OTUB2: variants seen among roughly 807,000 people sequenced by gnomAD.
OTUB2 encodes the protein ubiquitin thioesterase OTUB2.
In OTUB2, 21 loss-of-function variants were observed where a neutral mutation model predicts 25.1. That is an observed-to-expected ratio of 0.84 (90% CI 0.59 to 1.21). The LOEUF (loss-of-function observed/expected upper bound fraction) is 1.21. Among genes scored for constraint, OTUB2 ranks in the 50% most tolerant of loss-of-function variants. The pLI is 0.00. For synonymous variants in OTUB2, 122 were observed against 122.8 expected (o/e 0.99, Z 0.04); for missense variants, 283 against 298.0 (o/e 0.95, Z 0.37).
At chr14:94,042,509 G>C (rs900689471) in intron 3 of OTUB2, among the ~76,000 whole-genome samples, 2 of 152,178 alleles carry the variant, frequency 1.3e-5, no homozygotes, top group Non-Finnish European at 2.9e-5. Flanking sequence ...GGGGGGGCAG[G>C]AGAGCTGGGA....
intron 1 of OTUB2, among the ~76,000 whole-genome samples, chr14:94,034,502 C>G (rs1363912622): frequency 6.6e-6 from 1 of 152,202 alleles, no homozygotes; most frequent in Non-Finnish European, 1.5e-5. Flanking sequence ...ATAGATCTGC[C>G]TAAAATTACT....
chr14:94,046,131 G>A lies in OTUB2; in HGVS notation c.*209G>A. The A allele has an allele frequency of 1.5e-6, 1 of 648,010 alleles. No individual in the cohort carries two copies. The highest frequency in any genetic ancestry group is 2.6e-6 in the Non-Finnish European group (1 of 380,184). The allele number at this position is 648,010 out of a possible 1,614,324, so 40.1% of individuals were successfully genotyped here. ...TATTTATTTTAATGGAGGGACAAATGCTTTCTAACTGGGCCCCCGACTCCG... is the reference window on the plus strand; with the variant it reads ...TATTTATTTTAATGGAGGGACAAATACTTTCTAACTGGGCCCCCGACTCCG... On this transcript the variant is annotated 3_prime_UTR_variant, in exon 6 of 6. Transcript: ENST00000203664.
intron 1 of OTUB2, among the ~76,000 whole-genome samples, chr14:94,036,472 TG>T (rs2141410320): frequency 6.6e-6 from 1 of 152,212 alleles, no homozygotes; most frequent in South Asian, 2.1e-4. Flanking sequence ...AAAGCGGCTC[TG>T]GGTGGGTTGG....
At position 94,045,835 on chromosome 14, in the gene OTUB2, C is replaced by G; in HGVS notation, c.618C>G (p.His206Gln). Residue 206 changes from histidine to glutamine, a missense_variant, in exon 6 of 6, where the codon CAC becomes CAG. Physicochemically the swap from His to Gln is conservative, Grantham distance 24. Transcript: ENST00000203664. ...VDEMDTALNH[H>Q]VFPEAATPSV... ...AGATGGATACCGCCCTGAACCACCA[C>G]GTGTTCCCTGAGGCCGCCACCCCTT... 2 of 1,614,212 alleles carry G rather than the reference C, an allele frequency of 1.2e-6. No homozygotes were observed. Among genetic ancestry groups the G allele is most frequent in the Non-Finnish European group, 8.5e-7 (1 of 1,180,042 alleles).
chr14:94,027,931 C>G (rs947292066), intron 1 of OTUB2, among the ~76,000 whole-genome samples: 3 of 152,222 alleles, frequency 2.0e-5, no homozygotes, highest in Non-Finnish European at 4.4e-5. Context: ...CATCACCCAC[C>G]AGGGAGTGGT....
intron 1 of OTUB2, among the ~76,000 whole-genome samples, chr14:94,030,617 G>C (rs1884943238): frequency 6.6e-6 from 1 of 152,146 alleles, no homozygotes; most frequent in African/African-American, 2.4e-5. Flanking sequence ...ACTTTTCTTA[G>C]TGGAGCAGCA....
At position 94,047,638 on chromosome 14, in the gene OTUB2, C is replaced by G. The variant is rs1479355851; in HGVS notation, c.*1716C>G. On this transcript the variant is annotated 3_prime_UTR_variant, in exon 6 of 6. Transcript: ENST00000203664. ...ACAAGTCTCCAGGGGATCCCTGTTT[C>G]CCAACTGAAAGGTGTGAACGGACAC... The G allele has an allele frequency of 6.6e-6, 1 of 152,232 alleles. No homozygotes were observed. The highest frequency in any genetic ancestry group is 6.5e-5 in the Admixed American group (1 of 15,282). The allele number at this position is 152,232 out of a possible 1,614,324, so 9.4% of individuals were successfully genotyped here.
rs202053897 is a variant in OTUB2 at position 94,038,913 on chromosome 14, A to T, written c.100-50A>T. 47 of 1,552,704 alleles carry T rather than the reference A, an allele frequency of 3.0e-5. No homozygotes were observed. In the East Asian group the frequency reaches 1.0e-3, roughly 34 times the overall value. On this transcript the variant is annotated intron_variant, in intron 2 of 5. Transcript: ENST00000203664. ...TGGCCAGTCCCAGTGCCCAAACCAC[A>T]CAGAGCCGTTGTTGGTGCAAATGCC...
rs764809784 is a variant in OTUB2 at position 94,038,954 on chromosome 14, C to T, written c.100-9C>T. On this transcript the variant is annotated splice_polypyrimidine_tract_variant and intron_variant, in intron 2 of 5. Transcript: ENST00000203664. ...TGCAAATGCCCACATTTCTTTCTGT[C>T]CCCCTCAGGAACTCAGCAAAAGGTT... 7 of 1,612,850 alleles carry T rather than the reference C, an allele frequency of 4.3e-6. No homozygotes were observed. The South Asian group carries it at 7.7e-5, about 18-fold the overall frequency.
At chr14:94,039,246 G>C (rs968231551) in intron 3 of OTUB2, 165 bp downstream of exon 3, 2 of 621,270 alleles carry the variant, frequency 3.2e-6, no homozygotes, top group African/African-American at 3.7e-5. Flanking sequence ...GCTGCCTGCT[G>C]TGGTGAAGTT....
intron 1 of OTUB2, among the ~76,000 whole-genome samples, chr14:94,035,210 C>G (rs1885028853): frequency 6.6e-6 from 1 of 152,206 alleles, no homozygotes; most frequent in African/African-American, 2.4e-5. Flanking sequence ...CTTCCCACCC[C>G]CCAAGTGTTT....
chr14:94,037,434 C>A lies in OTUB2; in HGVS notation c.58C>A (p.Arg20=). ...SEKCDILSIL[R]DHPENRIYRR... is the part of the protein sequence containing the mutation. ...AAAATGTGACATTCTATCCATTCTT[C>A]GGGACCATCCTGAAAACAGGATTTA... Residue 20 remains arginine, a synonymous_variant, in exon 2 of 6, where the codon CGG becomes AGG. Transcript: ENST00000203664. 6.2e-7 allele frequency: 1 copy of A among 1,606,536 alleles called. No homozygotes were observed. The highest frequency in any genetic ancestry group is 8.5e-7 in the Non-Finnish European group (1 of 1,173,452).
Position 94,026,388 on chromosome 14 carries a change from C to T in OTUB2, c.-150C>T. 7.9e-7 allele frequency: 1 copy of T among 1,257,904 alleles called. No individual in the cohort carries two copies. The highest frequency in any genetic ancestry group is 1.0e-6 in the Non-Finnish European group (1 of 999,666). 77.9% of individuals were successfully genotyped at this position (1,257,904 alleles called of 1,614,324 possible). A position where few individuals can be genotyped will look rare whatever the true frequency, so the allele number is the denominator to read the frequency against. On this transcript the variant is annotated 5_prime_UTR_variant, in exon 1 of 6. Coordinates refer to ENST00000203664, the MANE Select transcript of OTUB2 (RefSeq NM_023112.4). ...CAGTGGAGGTCTAACCTTTGGTTTG[C>T]GGAGCGGTCGGGTGTATTCTCCGCC... is the stretch of plus-strand genomic sequence containing the variant.
rs1413816682 is a variant in OTUB2 at position 94,046,067 on chromosome 14, T to C, written c.*145T>C. ...GGGCAAAGCCCCTGGGAACGAGGCC[T>C]ATCCACTATGGACTATGGTAACTTG... On this transcript the variant is annotated 3_prime_UTR_variant, in exon 6 of 6. Coordinates refer to ENST00000203664, the MANE Select transcript of OTUB2 (RefSeq NM_023112.4). 1 of 843,334 alleles carries C rather than the reference T, an allele frequency of 1.2e-6. No individual in the cohort carries two copies. Among genetic ancestry groups the C allele is most frequent in the East Asian group, 2.7e-5 (1 of 37,652 alleles). 52.2% of individuals were successfully genotyped at this position (843,334 alleles called of 1,614,324 possible). A position where few individuals can be genotyped will look rare whatever the true frequency, so the allele number is the denominator to read the frequency against.
intron 5 of OTUB2, among the ~76,000 whole-genome samples, chr14:94,045,227 G>A (rs1885247654): frequency 6.6e-6 from 1 of 152,166 alleles, no homozygotes; most frequent in African/African-American, 2.4e-5. Flanking sequence ...AGCAGCAGCT[G>A]CCCTCTCTAT....
chr14:94,044,081 A>C (rs772889915), intron 4 of OTUB2, 26 bp downstream of exon 4: 2 of 1,600,920 alleles, frequency 1.2e-6, no homozygotes, highest in South Asian at 2.2e-5. Flanking sequence ...CCCTCCTTCC[A>C]CACTGGCAGA....
At chr14:94,045,507 C>A (rs115606911) in intron 5 of OTUB2, among the ~76,000 whole-genome samples, 38 of 152,288 alleles carry the variant, frequency 2.5e-4, no homozygotes, top group African/African-American at 8.4e-4. Flanking sequence ...TCGATTCTTG[C>A]AATTGTAGCG....
At chr14:94,043,787 C>T (rs1262870724) in intron 3 of OTUB2, among the ~76,000 whole-genome samples, 184 bp from the exon 4 acceptor site, 1 of 152,194 alleles carries the variant, frequency 6.6e-6, no homozygotes, top group Non-Finnish European at 1.5e-5. Context: ...CAGGGCCCGG[C>T]AGGGCCAGGG....
intron 2 of OTUB2, 117 bp downstream of exon 2, chr14:94,037,592 G>A: frequency 3.8e-6 from 2 of 531,258 alleles, no homozygotes; most frequent in East Asian, 3.4e-5. Context: ...GCAAATGAAA[G>A]GATTCCTAGG....
Sources: gnomAD v4.1 joint callset for allele counts (sites outside exome capture counted in the v4.1 genomes callset) on GRCh38, gnomAD v4.1.1 for gene constraint, MANE v1.5 for transcripts, NCBI Gene and HGNC (gene_info 2026-07-23, HGNC 2026-07-21) for gene names.